BASP1: variants seen among roughly 807,000 people sequenced by gnomAD.
BASP1 encodes the protein brain abundant membrane attached signal protein 1.
BASP1 carries 1 observed loss-of-function variant against 2.2 expected under a neutral mutation model. The observed-to-expected ratio is 0.46, with a 90% CI of 0.16 to 2.17. The LOEUF (loss-of-function observed/expected upper bound fraction) is 2.17. Ranked by LOEUF, BASP1 falls within the 30% of genes most tolerant of loss-of-function variation. The pLI is 0.27. For synonymous variants in BASP1, 187 were observed against 154.2 expected, an observed-to-expected ratio of 1.21 and a Z score of -1.58; for missense variants, 352 against 327.2, an observed-to-expected ratio of 1.08 and a Z score of -0.58.
chr5:17,275,728 A>C lies in BASP1; in HGVS notation c.512A>C (p.Asp171Ala). 2 of 1,611,104 alleles carry C rather than the reference A, an allele frequency of 1.2e-6. No homozygotes were observed. Among genetic ancestry groups the C allele is most frequent in the Non-Finnish European group, 1.7e-6 (2 of 1,179,018 alleles). The change falls in exon 2 of 2, where the codon GAC (aspartate) becomes GCC (alanine). Residue 171 changes from aspartate (D) to alanine (A), a missense_variant. Asp to Ala is a moderately radical substitution (Grantham distance 126). Transcript: ENST00000322611. The surrounding 1 kb of genome is among the most constrained non-coding windows in gnomAD (Gnocchi z 5.3). ...ETKSDGAPAS[D>A]SKPGSSEAAP... is the part of the protein sequence containing the mutation. ...AAAAGTGACGGGGCCCCAGCTTCAG[A>C]CTCAAAACCCGGCAGCTCGGAGGCT...
At chr5:17,255,442 T>G (rs1351048173) in intron 1 of BASP1, among the ~76,000 whole-genome samples, 2 of 152,246 alleles carry the variant, frequency 1.3e-5, no homozygotes, top group Non-Finnish European at 2.9e-5. Context: ...TAGTTTACTA[T>G]TACTTTCCAA....
At chr5:17,249,546 C>G (rs1561171589) in intron 1 of BASP1, among the ~76,000 whole-genome samples, 1 of 152,084 alleles carries the variant, frequency 6.6e-6, no homozygotes. Flanking sequence ...CTGGCATACA[C>G]TTTTTTTAAC....
rs1740649368 is a variant in BASP1 at position 17,275,959 on chromosome 5, C to CTCTCTCTCTA, written c.*68_*69insATCTCTCTCT. 7 of 1,399,360 alleles carry CTCTCTCTCTA rather than the reference C, an allele frequency of 5.0e-6. No homozygotes were observed. The highest frequency in any genetic ancestry group is 3.0e-5 in the African/African-American group (2 of 67,690). 86.7% of individuals were successfully genotyped at this position (1,399,360 alleles called of 1,614,324 possible). ...AAAACAATCTCCTCTCTCTCTCTCT[C>CTCTCTCTCTA]TCTCTCTCTCTATCTCTCTCTCTAT... On this transcript the variant is annotated 3_prime_UTR_variant, in exon 2 of 2. Transcript: ENST00000322611. This position sits in a 1 kb window ranked among gnomAD's most constrained non-coding sequence, Gnocchi z 5.3.
intron 1 of BASP1, among the ~76,000 whole-genome samples, chr5:17,231,858 C>G (rs1038203497): frequency 7.2e-5 from 11 of 152,266 alleles, no homozygotes; most frequent in Non-Finnish European, 1.2e-4. Flanking sequence ...ATACCAAGCA[C>G]CCCATGTCTG....
intron 1 of BASP1, among the ~76,000 whole-genome samples, chr5:17,261,989 G>T (rs184014213): frequency 4.6e-5 from 7 of 152,230 alleles, no homozygotes. Context: ...ATCAATTTGC[G>T]CCATCTCTTC....
intron 1 of BASP1, among the ~76,000 whole-genome samples, chr5:17,226,097 G>A (rs1325451094): frequency 6.6e-6 from 1 of 152,174 alleles, no homozygotes; most frequent in East Asian, 1.9e-4. Flanking sequence ...GTCAATAAGA[G>A]CAGGTTTGAA....
chr5:17,262,771 C>G (rs550860635), intron 1 of BASP1, among the ~76,000 whole-genome samples: 1 of 151,942 alleles, frequency 6.6e-6, no homozygotes, highest in East Asian at 1.9e-4. Flanking sequence ...CTCCCTCTTG[C>G]TAGACTAGGC....
In BASP1 at chr5:17,236,067, C is replaced by T. The variant is rs944969470; in HGVS notation, c.-10+18257C>T. 3.3e-5 allele frequency among the ~76,000 whole-genome samples: 5 copies of T among 151,900 alleles called. No homozygotes were observed. Among genetic ancestry groups the T allele is most frequent in the African/African-American group, 9.7e-5 (4 of 41,344 alleles). ...TTTTTAGCTCATTAGCTATTGTTAG[C>T]GTATTTTATGTGTGGCCCAAGACAA... On this transcript the variant is annotated intron_variant, in intron 1 of 1. Coordinates refer to ENST00000322611, the MANE Select transcript of BASP1 (RefSeq NM_006317.5). The surrounding 1 kb of genome is among the most constrained non-coding windows in gnomAD (Gnocchi z 4.0).
chr5:17,249,096 A>G (rs1740050311), intron 1 of BASP1, among the ~76,000 whole-genome samples: 1 of 152,036 alleles, frequency 6.6e-6, no homozygotes, highest in African/African-American at 2.4e-5. Context: ...TGGTGGCACT[A>G]TTTTATTTTC....
At chr5:17,273,342 T>C (rs1044627307) in intron 1 of BASP1, among the ~76,000 whole-genome samples, 2 of 152,140 alleles carry the variant, frequency 1.3e-5, no homozygotes, top group Non-Finnish European at 2.9e-5. Flanking sequence ...TAATCAAAAA[T>C]TAAATCCAAT....
At chr5:17,237,751 C>T (rs1214171090) in intron 1 of BASP1, among the ~76,000 whole-genome samples, 2 of 151,938 alleles carry the variant, frequency 1.3e-5, no homozygotes, top group African/African-American at 4.8e-5. Flanking sequence ...GCTGGGACTA[C>T]AGGCATGCAC....
intron 1 of BASP1, among the ~76,000 whole-genome samples, chr5:17,257,021 A>G (rs1009242433): frequency 1.3e-5 from 2 of 152,248 alleles, no homozygotes; most frequent in African/African-American, 4.8e-5. Flanking sequence ...TAAGATGGAA[A>G]TAGTTTGGAA....
At chr5:17,265,665 CT>C (rs1472035299) in intron 1 of BASP1, among the ~76,000 whole-genome samples, 1 of 152,210 alleles carries the variant, frequency 6.6e-6, no homozygotes, top group Non-Finnish European at 1.5e-5. Context: ...TTCTCCCTTT[CT>C]TGCTCTCCTA....
At chr5:17,247,755 G>A (rs1413588427) in intron 1 of BASP1, among the ~76,000 whole-genome samples, 1 of 152,186 alleles carries the variant, frequency 6.6e-6, no homozygotes, top group Non-Finnish European at 1.5e-5. Context: ...GTTCGTGTCC[G>A]TGTGCTGGCG....
At chr5:17,265,030 A>G (rs1159358645) in intron 1 of BASP1, among the ~76,000 whole-genome samples, 3 of 152,244 alleles carry the variant, frequency 2.0e-5, no homozygotes, top group Admixed American at 6.5e-5. Flanking sequence ...CTTATTTTAT[A>G]TGGCAGTTAA....
At chr5:17,238,603 C>G (rs1001182374) in intron 1 of BASP1, among the ~76,000 whole-genome samples, 3 of 152,280 alleles carry the variant, frequency 2.0e-5, no homozygotes, top group African/African-American at 7.2e-5. Flanking sequence ...GAGGCATCAC[C>G]GCATTCATTC....
intron 1 of BASP1, among the ~76,000 whole-genome samples, chr5:17,254,592 G>A (rs1366791685): frequency 6.6e-6 from 1 of 152,214 alleles, no homozygotes; most frequent in Non-Finnish European, 1.5e-5. Context: ...CATTCAGTTT[G>A]CAACGGATCT....
chr5:17,230,041 C>T (rs920624701), intron 1 of BASP1, among the ~76,000 whole-genome samples: 7 of 152,042 alleles, frequency 4.6e-5, no homozygotes, highest in South Asian at 2.1e-4. Context: ...CATGAGCTAC[C>T]GCACCTGGCC....
rs553478337 is a variant in BASP1, at chr5:17,225,664, C to T, written c.-10+7854C>T. Among the ~76,000 whole-genome samples, 8 of 152,272 alleles carry T rather than the reference C, an allele frequency of 5.3e-5. No homozygotes were observed. In the East Asian group the frequency reaches 7.7e-4, roughly 15 times the overall value. On this transcript the variant is annotated intron_variant, in intron 1 of 1. Coordinates refer to ENST00000322611, the MANE Select transcript of BASP1 (RefSeq NM_006317.5). The stretch of plus-strand genomic sequence containing the variant: ...ACTTATTTGGGGGCTATAGAGCAAG[C>T]GGAGCAGTCAGGCATCCCACCCACC...
Sources: allele counts gnomAD v4.1 joint callset (sites outside exome capture counted in the v4.1 genomes callset), GRCh38; gene constraint gnomAD v4.1.1; non-coding constraint Gnocchi (gnomAD v3.1); transcripts MANE v1.5; gene names NCBI Gene and HGNC (gene_info 2026-07-23, HGNC 2026-07-21).